SP140: variants seen among roughly 807,000 people sequenced by gnomAD.
SP140 encodes the protein SP140 nuclear body protein.
In SP140, 81 loss-of-function variants were observed where a neutral mutation model predicts 125.0. That is an observed-to-expected ratio of 0.65 (90% confidence interval 0.54 to 0.78). The LOEUF (loss-of-function observed/expected upper bound fraction) is 0.78. Ranked by LOEUF, SP140 falls within the 30% of genes least tolerant of loss-of-function variation. The pLI, the probability that SP140 is intolerant of heterozygous loss-of-function variation, is 0.00. For synonymous variants in SP140, 312 were observed against 354.0 expected (o/e 0.88, Z 1.33); for missense variants, 858 against 1,037.0 (o/e 0.83, Z 2.37).
In SP140 at chr2:230,259,771, CATATATATATAT is replaced by C. The variant is rs745848625; in HGVS notation, c.1240+4253_1240+4264del. On this transcript the variant is annotated intron_variant, in intron 12 of 26. Transcript: ENST00000392045. ...TTTTTATGGCTGCGTAGTATTCCAT[CATATATATATAT>C]ATATATATATATACCACATACATAC... Among the ~76,000 whole-genome samples, 4 of 85,898 alleles carry C rather than the reference CATATATATATAT, an allele frequency of 4.7e-5. No individual in the cohort carries two copies. In the South Asian group the frequency reaches 1.2e-3, roughly 26 times the overall value. The allele number at this position is 85,898 out of a possible 152,430, so 56.4% of individuals were successfully genotyped here. A position where few individuals can be genotyped will look rare whatever the true frequency, so the allele number is the denominator to read the frequency against.
At chr2:230,287,841 G>C (rs375762912) in intron 17 of SP140, 51 bp from the exon 18 acceptor site, 43 of 1,476,550 alleles carry the variant, frequency 2.9e-5, no homozygotes, top group Admixed American at 1.2e-4. Context: ...TGTAATATGT[G>C]TAATACAGCT....
intron 1 of SP140, among the ~76,000 whole-genome samples, chr2:230,230,900 G>C (rs2047140970): frequency 2.0e-5 from 3 of 152,022 alleles, no homozygotes; most frequent in Admixed American, 2.0e-4. Flanking sequence ...CACACTTTCT[G>C]AAATTATTCC....
intron 3 of SP140, among the ~76,000 whole-genome samples, chr2:230,220,614 C>A (rs570634675): frequency 6.6e-6 from 1 of 152,172 alleles, no homozygotes; most frequent in African/African-American, 2.4e-5. Flanking sequence ...CCTGCTGATT[C>A]CAGAGAGCAG....
intron 10 of SP140, among the ~76,000 whole-genome samples, chr2:230,253,065 A>G (rs892876228): frequency 1.3e-5 from 2 of 152,172 alleles, no homozygotes; most frequent in African/African-American, 2.4e-5. Context: ...GAAAAAAGAC[A>G]TAGAAACAGG....
At chr2:230,297,587 A>G in intron 22 of SP140, 125 bp downstream of exon 22, 1 of 1,139,866 alleles carries the variant, frequency 8.8e-7, no homozygotes, top group Non-Finnish European at 1.3e-6. Flanking sequence ...TGGCTGTGTG[A>G]ATTCAGTTGC....
At chr2:230,193,304 T>C in the SP140 span, among the ~76,000 whole-genome samples, 23 of 152,352 alleles carry the variant, frequency 1.5e-4, no homozygotes, top group African/African-American at 5.0e-4. Context: ...TTTGTATCCA[T>C]TCTGCCAATC....
intron 14 of SP140, 27 bp downstream of exon 14, chr2:230,269,980 GGGGGTGGC>G (rs771099869): frequency 1.3e-6 from 2 of 1,528,422 alleles, no homozygotes; most frequent in Admixed American, 1.7e-5. Flanking sequence ...GCCGTGGGAT[GGGGGTGGC>G]TCAGTGGGCC....
upstream of SP140, among the ~76,000 whole-genome samples, chr2:230,198,504 C>T (rs932896869): frequency 6.6e-6 from 1 of 152,184 alleles, no homozygotes; most frequent in South Asian, 2.1e-4. Flanking sequence ...TGATTCTGAG[C>T]CCCTTATTCT....
At chr2:230,244,128 A>G (rs1169770996) in intron 5 of SP140, among the ~76,000 whole-genome samples, 2 of 152,222 alleles carry the variant, frequency 1.3e-5, no homozygotes, top group African/African-American at 4.8e-5. Flanking sequence ...GAAAGCCTTC[A>G]AAAGAAACAT....
At chr2:230,315,927 C>T (rs1443152479), downstream of SP140, among the ~76,000 whole-genome samples, 2 of 152,136 alleles carry the variant, frequency 1.3e-5, no homozygotes, top group Non-Finnish European at 2.9e-5. Flanking sequence ...TGGGTTAGCA[C>T]AGCCTTAGCA....
At position 230,244,972 on chromosome 2, in the gene SP140, C is replaced by A. The variant is rs144772845; in HGVS notation, c.572-16C>A. The A allele has an allele frequency of 1.6e-4, 246 of 1,586,820 alleles. 2 individuals carry two copies. The African/African-American group carries it at 2.9e-3, about 18-fold the overall frequency. On this transcript the variant is annotated splice_polypyrimidine_tract_variant and intron_variant, in intron 5 of 26. Coordinates refer to ENST00000392045, the MANE Select transcript of SP140 (RefSeq NM_007237.5). The stretch of plus-strand genomic sequence containing the variant: ...TGAGGTCTGTGCTCTCATCACTGTG[C>A]CTTGTTTATTTCCAGGTTTCTCTTC...
At chr2:230,248,999 A>G (rs1364697364) in intron 9 of SP140, 31 bp downstream of exon 9, 2 of 1,552,220 alleles carry the variant, frequency 1.3e-6, no homozygotes, top group Non-Finnish European at 1.8e-6. Context: ...TAAATATTTG[A>G]GTACATCTTT....
In SP140 at chr2:230,313,052, A is replaced by G. The variant is rs1413985324; in HGVS notation, c.*368A>G. On this transcript the variant is annotated 3_prime_UTR_variant, in exon 27 of 27. Transcript: ENST00000392045. ...TATTCAGGACACACTTCTTGCCTTC[A>G]CTTTCCCACTTCCGTGGCCACCTCC... The G allele has an allele frequency of 9.4e-6, 2 of 212,994 alleles. No homozygotes were observed. The highest frequency in any genetic ancestry group is 9.3e-6 in the Non-Finnish European group (1 of 107,492). 13.2% of individuals were successfully genotyped at this position (212,994 alleles called of 1,614,324 possible).
intron 11 of SP140, among the ~76,000 whole-genome samples, chr2:230,254,343 T>A (rs2050823527): frequency 6.6e-6 from 1 of 152,184 alleles, no homozygotes; most frequent in African/African-American, 2.4e-5. Flanking sequence ...AAGGTCCTTC[T>A]AGGTAGAGAG....
chr2:230,283,660 C>T (rs766253417), intron 15 of SP140, among the ~76,000 whole-genome samples: 7 of 152,114 alleles, frequency 4.6e-5, no homozygotes, highest in Admixed American at 1.3e-4. Context: ...CCATAGTGTG[C>T]GGACAGGAGG....
Position 230,289,875 on chromosome 2 carries a change from C to T in SP140, c.1721-585C>T, listed in dbSNP as rs147009646. 9.8e-4 allele frequency among the ~76,000 whole-genome samples: 150 copies of T among 152,298 alleles called. 3 individuals are homozygous for T. In the East Asian group the frequency reaches 0.028, roughly 28 times the overall value. Reference sequence around the variant, plus strand: ...TCTGTGAAATCAGGTCTCCAGTCCCCCACCTGCAACCCCATATAATTTTCA... The same window carrying T: ...TCTGTGAAATCAGGTCTCCAGTCCCTCACCTGCAACCCCATATAATTTTCA... On this transcript the variant is annotated intron_variant, in intron 18 of 26. Transcript: ENST00000392045.
At chr2:230,220,129 G>T in intron 3 of SP140, 1 of 968,510 alleles carries the variant, frequency 1.0e-6, no homozygotes, top group Non-Finnish European at 1.2e-6. Flanking sequence ...CTCCCAGGAC[G>T]TCTTGGCAGT....
At chr2:230,246,348 C>A (rs4973304) in intron 7 of SP140, among the ~76,000 whole-genome samples, 44,172 of 152,010 alleles carry the variant, frequency 0.29, 6,537 homozygotes, top group Middle Eastern at 0.35. Context: ...AGTTTTACCT[C>A]AATAGTTGTG....
In SP140 at chr2:230,237,494, A is replaced by G; in HGVS notation, c.237+234A>G. The G allele has an allele frequency of 2.1e-6, 1 of 470,858 alleles. No individual in the cohort carries two copies. Among genetic ancestry groups the G allele is most frequent in the Non-Finnish European group, 3.8e-6 (1 of 265,988 alleles). The allele number at this position is 470,858 out of a possible 1,614,324, so 29.2% of individuals were successfully genotyped here. On this transcript the variant is annotated intron_variant, in intron 2 of 26. Transcript: ENST00000392045. The surrounding 1 kb of genome is among the most constrained non-coding windows in gnomAD (Gnocchi z 5.4). ...GCAGGAGAGAGAATGGGAATGCTGT[A>G]TGGGTGCAGATCATCCTAGGTACTT...
Sources: gnomAD v4.1 joint callset for allele counts (sites outside exome capture counted in the v4.1 genomes callset) on GRCh38, gnomAD v4.1.1 for gene constraint, Gnocchi (gnomAD v3.1) non-coding constraint, MANE v1.5 for transcripts, NCBI Gene and HGNC (gene_info 2026-07-23, HGNC 2026-07-21) for gene names.